Variants in EWSR1 observed in about 807,000 individuals in gnomAD.
The protein encoded by EWSR1 is EWS RNA binding protein 1.
A neutral mutation model predicts 92.1 loss-of-function variants in EWSR1; 14 were observed. That is an observed-to-expected ratio of 0.15 (90% CI 0.10 to 0.24). The LOEUF (loss-of-function observed/expected upper bound fraction) is 0.24, where lower values mean the gene tolerates loss of function less well. Among genes scored for constraint, EWSR1 ranks in the 10% least tolerant of loss-of-function variants. The pLI, the probability that EWSR1 is intolerant of heterozygous loss-of-function variation, is 1.00. For synonymous variants in EWSR1, 303 were observed against 292.9 expected, an observed-to-expected ratio of 1.03 and a Z score of -0.35; for missense variants, 637 against 870.9, an observed-to-expected ratio of 0.73 and a Z score of 3.38.
rs779703503 is a variant in EWSR1, at chr22:29,299,347, A to G, written c.1678+16A>G. Reference sequence around the variant, plus strand: ...CCGCCCCCGGGTAGGTGCAGGTTTCATGAGTGTCCCCTCAGCTTCCTGGTG... The same window carrying G: ...CCGCCCCCGGGTAGGTGCAGGTTTCGTGAGTGTCCCCTCAGCTTCCTGGTG... On this transcript the variant is annotated intron_variant, in intron 15 of 16. Transcript: ENST00000397938. 2.5e-6 allele frequency: 4 copies of G among 1,608,726 alleles called. No individual in the cohort carries two copies. The highest frequency in any genetic ancestry group is 1.1e-5 in the South Asian group (1 of 90,896).
chr22:29,270,619 G>T (rs1191712742), intron 1 of EWSR1, among the ~76,000 whole-genome samples: 4 of 152,176 alleles, frequency 2.6e-5, no homozygotes, highest in Admixed American at 2.6e-4. Flanking sequence ...TTCCATATCA[G>T]CTTTGCCAGT....
At chr22:29,277,211 A>G (rs537388230) in intron 4 of EWSR1, 1 of 225,836 alleles carries the variant, frequency 4.4e-6, no homozygotes, top group South Asian at 1.8e-4. Flanking sequence ...GGGAGGAGAG[A>G]CTCTAGGGTT....
At chr22:29,298,478 G>A (rs921698466) in intron 13 of EWSR1, among the ~76,000 whole-genome samples, 11 of 148,562 alleles carry the variant, frequency 7.4e-5, no homozygotes, top group African/African-American at 2.5e-4. Context: ...CTGCACTCCA[G>A]CCTGGGCAAC....
intron 4 of EWSR1, chr22:29,274,130 A>G: frequency 9.9e-7 from 1 of 1,013,132 alleles, no homozygotes; most frequent in Non-Finnish European, 1.5e-6. Flanking sequence ...GAGACTATGT[A>G]AAAGATTTTG....
In EWSR1 at chr22:29,274,261, A is replaced by C. The variant is rs2058930667; in HGVS notation, c.226+397A>C. Reference sequence around the variant, plus strand: ...CTCTACTTTTTGTTTTGTGCTTTCCACAGTAGAAGGGACCAGTACAGGTTT... The same window carrying C: ...CTCTACTTTTTGTTTTGTGCTTTCCCCAGTAGAAGGGACCAGTACAGGTTT... On this transcript the variant is annotated intron_variant, in intron 4 of 16. Transcript: ENST00000397938. 2.5e-6 allele frequency: 4 copies of C among 1,613,866 alleles called. No individual in the cohort carries two copies. In the East Asian group the frequency reaches 8.9e-5, roughly 36 times the overall value.
chr22:29,268,599 CT>C (rs1164402779), intron 1 of EWSR1, among the ~76,000 whole-genome samples: 4 of 152,148 alleles, frequency 2.6e-5, no homozygotes, highest in Non-Finnish European at 5.9e-5. Flanking sequence ...CGGGGCCCGC[CT>C]TGGCCTCCAT....
intron 8 of EWSR1, chr22:29,289,484 C>T (rs2060288283): frequency 4.3e-6 from 1 of 232,704 alleles, no homozygotes; most frequent in Admixed American, 5.6e-5. Flanking sequence ...ACCCTGCTGC[C>T]TCTGCCTGCC....
chr22:29,277,549 C>G (rs1171661297), intron 4 of EWSR1: 1 of 229,058 alleles, frequency 4.4e-6, no homozygotes, highest in East Asian at 6.3e-5. Flanking sequence ...GGTTTTAGTG[C>G]TAGAACTAGT....
chr22:29,286,547 C>T (rs753677234), intron 6 of EWSR1, among the ~76,000 whole-genome samples: 11 of 151,654 alleles, frequency 7.3e-5, no homozygotes, highest in Non-Finnish European at 1.5e-4. Context: ...ACTAGCCAGG[C>T]GTGGTGGTGG....
chr22:29,299,468 C>T (rs1345608135), intron 15 of EWSR1, 131 bp from the exon 16 acceptor site: 2 of 1,485,146 alleles, frequency 1.3e-6, no homozygotes, highest in African/African-American at 1.4e-5. Context: ...AATTGTCAGC[C>T]CGATGCCGAG....
chr22:29,279,823 C>T (rs1025423236), intron 5 of EWSR1, among the ~76,000 whole-genome samples: 6 of 152,144 alleles, frequency 3.9e-5, no homozygotes, highest in Non-Finnish European at 7.3e-5. Context: ...GCCTCATTTC[C>T]GAGTGTCATC....
chr22:29,280,626 C>T (rs1569071857), intron 5 of EWSR1, among the ~76,000 whole-genome samples: 1 of 151,170 alleles, frequency 6.6e-6, no homozygotes, highest in Non-Finnish European at 1.5e-5. Flanking sequence ...TTTATGGCAG[C>T]CCAGTTTAGG....
intron 6 of EWSR1, among the ~76,000 whole-genome samples, chr22:29,286,150 GT>G (rs138155811): frequency 2.7e-5 from 4 of 149,646 alleles, no homozygotes; most frequent in African/African-American, 7.4e-5. Flanking sequence ...GATTTTTTGG[GT>G]TTTTTTTTGG....
At chr22:29,282,644 T>A in intron 6 of EWSR1, 87 bp downstream of exon 6, 13 of 1,151,034 alleles carry the variant, frequency 1.1e-5, no homozygotes, top group South Asian at 1.9e-5. Flanking sequence ...CTTCTTCAGC[T>A]AAGGTATGTT....
intron 1 of EWSR1, among the ~76,000 whole-genome samples, chr22:29,271,054 C>T (rs533209110): frequency 6.6e-6 from 1 of 152,082 alleles, no homozygotes; most frequent in Non-Finnish European, 1.5e-5. Context: ...TCTCTCAGGC[C>T]GCCGAGGGAT....
chr22:29,277,915 G>A, intron 4 of EWSR1, 115 bp from the exon 5 acceptor site: 1 of 866,556 alleles, frequency 1.2e-6, no homozygotes, highest in Non-Finnish European at 1.7e-6. Flanking sequence ...AATATTTAAA[G>A]GGATTCAATA....
Position 29,291,650 on chromosome 22 carries a change from G to A in EWSR1, c.1012+51G>A, listed in dbSNP as rs1225148067. On this transcript the variant is annotated intron_variant, in intron 9 of 16. Transcript: ENST00000397938. ...TAGTGTTTAAAAAAAAATGCAGTCA[G>A]TTTTTAGAAAACTATAATTTTTTTA... is the stretch of plus-strand genomic sequence containing the variant. 3.9e-6 allele frequency: 6 copies of A among 1,529,530 alleles called. 1 individual carries two copies. Among genetic ancestry groups the A allele is most frequent in the Admixed American group, 1.9e-5 (1 of 51,326 alleles). The allele number at this position is 1,529,530 out of a possible 1,614,324, so 94.7% of individuals were successfully genotyped here. A position where few individuals can be genotyped will look rare whatever the true frequency, so the allele number is the denominator to read the frequency against.
At chr22:29,277,582 T>A in intron 4 of EWSR1, 1 of 230,328 alleles carries the variant, frequency 4.3e-6, no homozygotes, top group Middle Eastern at 1.3e-3. Flanking sequence ...TTCTAATTAT[T>A]TTAAAATGCT....
chr22:29,299,074 ACCTGT>A, intron 14 of EWSR1, 155 bp from the exon 15 acceptor site: 1 of 1,436,026 alleles, frequency 7.0e-7, no homozygotes, highest in Admixed American at 2.0e-5. Flanking sequence ...GATTGATTTG[ACCTGT>A]CCTGTGGGTG....
Sources: gnomAD v4.1 joint callset for allele counts (sites outside exome capture counted in the v4.1 genomes callset) on GRCh38, gnomAD v4.1.1 for gene constraint, MANE v1.5 for transcripts, NCBI Gene and HGNC (gene_info 2026-07-23, HGNC 2026-07-21) for gene names.